Variants in KCNG3 observed in about 807,000 individuals in gnomAD.
KCNG3 encodes the protein potassium voltage-gated channel modifier subfamily G member 3.
KCNG3 carries 15 observed loss-of-function variants against 29.0 expected under a neutral mutation model. The observed-to-expected ratio is 0.52, with a 90% CI of 0.35 to 0.80. The LOEUF (loss-of-function observed/expected upper bound fraction) is 0.80. Among genes scored for constraint, KCNG3 ranks in the 30% least tolerant of loss-of-function variants. The pLI is 0.01. For synonymous variants in KCNG3, 322 were observed against 248.9 expected, an observed-to-expected ratio of 1.29 and a Z score of -2.76; for missense variants, 512 against 605.7, an observed-to-expected ratio of 0.85 and a Z score of 1.62.
intron 1 of KCNG3, among the ~76,000 whole-genome samples, chr2:42,476,411 A>T (rs2103718771): frequency 6.6e-6 from 1 of 152,226 alleles, no homozygotes; most frequent in East Asian, 1.9e-4. Flanking sequence ...CAGGAGGTTA[A>T]GGCTGCAGTG....
intron 1 of KCNG3, among the ~76,000 whole-genome samples, chr2:42,478,379 C>T (rs1673493961): frequency 6.6e-6 from 1 of 151,832 alleles, no homozygotes; most frequent in Non-Finnish European, 1.5e-5. Context: ...GGGAGTAGTG[C>T]ACGTCACCAT....
intron 1 of KCNG3, chr2:42,463,115 AAAC>A (rs57304247): frequency 0.093 from 22,600 of 244,308 alleles, 1,279 homozygotes; most frequent in South Asian, 0.23. Context: ...GTTTAAAATT[AAAC>A]AACTGTACAG....
the KCNG3 span, among the ~76,000 whole-genome samples, chr2:42,406,447 G>C: frequency 1.5e-3 from 224 of 150,950 alleles, 3 homozygotes; most frequent in African/African-American, 4.9e-3. Flanking sequence ...TTGAACTCCT[G>C]ACCTCAGGTG....
chr2:42,422,423 G>A, the KCNG3 span, among the ~76,000 whole-genome samples: 2 of 152,108 alleles, frequency 1.3e-5, no homozygotes, highest in Non-Finnish European at 2.9e-5. Flanking sequence ...CCAGAGTGGT[G>A]AGGCAAATAA....
chr2:42,428,000 T>C, the KCNG3 span, among the ~76,000 whole-genome samples: 1 of 152,262 alleles, frequency 6.6e-6, no homozygotes, highest in Admixed American at 6.5e-5. Flanking sequence ...GTACTCCAGA[T>C]TTATGCTCTA....
chr2:42,449,337 C>T (rs996410333), intron 1 of KCNG3, among the ~76,000 whole-genome samples: 10 of 151,504 alleles, frequency 6.6e-5, no homozygotes, highest in African/African-American at 9.7e-5. Flanking sequence ...TTTCAGTGGC[C>T]ATAAATAAAG....
At chr2:42,471,737 G>C (rs1162535873) in intron 1 of KCNG3, among the ~76,000 whole-genome samples, 1 of 151,616 alleles carries the variant, frequency 6.6e-6, no homozygotes, top group African/African-American at 2.4e-5. Flanking sequence ...CCAGACATGA[G>C]GCTGGGTACA....
chr2:42,407,183 T>TC, the KCNG3 span, among the ~76,000 whole-genome samples: 2 of 150,038 alleles, frequency 1.3e-5, no homozygotes, highest in African/African-American at 4.9e-5. Flanking sequence ...TGATCTTTTT[T>TC]TTTTTTTTTT....
rs369025428 is a variant in KCNG3, at chr2:42,458,443, T to C, written c.666-13864A>G. Among the ~76,000 whole-genome samples the C allele has an allele frequency of 3.1e-3, 476 of 151,912 alleles. 1 individual carries two copies. Among genetic ancestry groups the C allele is most frequent in the Non-Finnish European group, 5.5e-3 (370 of 67,816 alleles). ...GTACCAGATTCACATTCTCTCTTTATTGGGAAACAGGGACTGATGACCCCC... is the reference window on the plus strand; with the variant it reads ...GTACCAGATTCACATTCTCTCTTTACTGGGAAACAGGGACTGATGACCCCC... On this transcript the variant is annotated intron_variant, in intron 1 of 1. Coordinates refer to ENST00000306078, the MANE Select transcript of KCNG3 (RefSeq NM_133329.6).
At chr2:42,473,877 C>T (rs553570110) in intron 1 of KCNG3, among the ~76,000 whole-genome samples, 1 of 152,038 alleles carries the variant, frequency 6.6e-6, no homozygotes. Flanking sequence ...TTAGGCCAGG[C>T]GCGGTGGCTC....
At chr2:42,418,877 T>C in the KCNG3 span, among the ~76,000 whole-genome samples, 2 of 152,198 alleles carry the variant, frequency 1.3e-5, no homozygotes, top group Admixed American at 1.3e-4. Context: ...ATCTTGCACA[T>C]AATATTCACT....
intron 1 of KCNG3, among the ~76,000 whole-genome samples, chr2:42,474,303 G>A (rs538928475): frequency 6.6e-5 from 10 of 151,770 alleles, no homozygotes; most frequent in African/African-American, 2.2e-4. Context: ...CAAGGTGGGC[G>A]GATCACCTGA....
intron 1 of KCNG3, chr2:42,469,843 G>A (rs984260568): frequency 5.0e-6 from 1 of 200,496 alleles, no homozygotes; most frequent in Non-Finnish European, 1.0e-5. Context: ...CTCCCAGGAA[G>A]GGCCTGTCCT....
At chr2:42,456,525 A>G (rs1011050584) in intron 1 of KCNG3, among the ~76,000 whole-genome samples, 2 of 152,150 alleles carry the variant, frequency 1.3e-5, no homozygotes, top group African/African-American at 4.8e-5. Flanking sequence ...AAAACAAACA[A>G]AAAAAGATTT....
chr2:42,392,248 G>A, the KCNG3 span, among the ~76,000 whole-genome samples: 1 of 152,076 alleles, frequency 6.6e-6, no homozygotes, highest in East Asian at 1.9e-4. Flanking sequence ...TCTGCTCTTA[G>A]TCCATGCTGC....
the KCNG3 span, among the ~76,000 whole-genome samples, chr2:42,421,393 C>G: frequency 1.3e-5 from 2 of 152,078 alleles, no homozygotes; most frequent in South Asian, 4.1e-4. Flanking sequence ...AACAAGTCCC[C>G]AAGAAAGGAA....
Position 42,462,294 on chromosome 2 carries a change from C to G in KCNG3, c.666-17715G>C, listed in dbSNP as rs549378199. On this transcript the variant is annotated intron_variant, in intron 1 of 1. Transcript: ENST00000306078. ...AATTATCAGCTTCATCAGATCCACC[C>G]TCTCCACCCCAAAATGGTAGAAAAG... Among the ~76,000 whole-genome samples, 343 of 152,316 alleles carry G rather than the reference C, an allele frequency of 2.3e-3. 2 individuals are homozygous for G. Among genetic ancestry groups the G allele is most frequent in the African/African-American group, 8.0e-3 (331 of 41,572 alleles).
intron 1 of KCNG3, among the ~76,000 whole-genome samples, chr2:42,464,524 G>T (rs984794820): frequency 2.6e-5 from 4 of 152,152 alleles, no homozygotes; most frequent in African/African-American, 9.7e-5. Flanking sequence ...GAGTACTGAG[G>T]TATTGCTGAC....
At chr2:42,399,871 G>C in the KCNG3 span, among the ~76,000 whole-genome samples, 1 of 152,134 alleles carries the variant, frequency 6.6e-6, no homozygotes, top group Admixed American at 6.6e-5. Context: ...ACCAGGGTCT[G>C]ACTCCTGCCT....
Sources: gnomAD v4.1 joint callset for allele counts (sites outside exome capture counted in the v4.1 genomes callset) on GRCh38, gnomAD v4.1.1 for gene constraint, MANE v1.5 for transcripts, NCBI Gene and HGNC (gene_info 2026-07-23, HGNC 2026-07-21) for gene names.